The following KIF26A variants were observed in gnomAD, a reference collection of about 807,000 sequenced individuals.
KIF26A encodes the protein kinesin family member 26A.
KIF26A carries 74 observed loss-of-function variants against 126.0 expected under a neutral mutation model. The observed-to-expected ratio is 0.59, with a 90% CI of 0.49 to 0.71. KIF26A has a LOEUF of 0.71. KIF26A is among the 30% of genes least tolerant of loss of function. The pLI is 0.00. For synonymous variants in KIF26A, 1,445 were observed against 1,232.7 expected (o/e 1.17, Z -3.61); for missense variants, 2,984 against 2,763.3 (o/e 1.08, Z -1.79).
intron 3 of KIF26A, among the ~76,000 whole-genome samples, chr14:104,155,636 G>T (rs556615785): frequency 3.3e-5 from 5 of 152,326 alleles, no homozygotes; most frequent in Admixed American, 2.0e-4. Flanking sequence ...GCATGCCCGG[G>T]CTCTGCTTCC....
intron 4 of KIF26A, among the ~76,000 whole-genome samples, chr14:104,164,717 G>A: frequency 6.6e-6 from 1 of 151,312 alleles, no homozygotes; most frequent in Non-Finnish European, 1.5e-5. Context: ...GTGTGTGAGT[G>A]TGTGTGCGTG....
At chr14:104,143,921 G>A (rs112867021) in intron 2 of KIF26A, among the ~76,000 whole-genome samples, 6 of 152,250 alleles carry the variant, frequency 3.9e-5, no homozygotes, top group African/African-American at 1.4e-4. Flanking sequence ...GGCAGGCGGG[G>A]CACTGGCTAA....
chr14:104,159,989 G>A (rs1284760046), intron 4 of KIF26A, among the ~76,000 whole-genome samples: 1 of 152,146 alleles, frequency 6.6e-6, no homozygotes, highest in Non-Finnish European at 1.5e-5. Flanking sequence ...GGGGTCTTGG[G>A]CACGTGCTGA....
In KIF26A at chr14:104,166,908, C is replaced by T; in HGVS notation, c.973C>T (p.Pro325Ser). The T allele has an allele frequency of 2.5e-6, 4 of 1,591,382 alleles. No individual in the cohort carries two copies. The highest frequency in any genetic ancestry group is 2.6e-6 in the Non-Finnish European group (3 of 1,170,260). Reference sequence around the variant, plus strand: ...CTCCAAGAGGAAGAAGCCCCACCCGCCACCGCCTCCAGCCACCCGCGGCAC... The same window carrying T: ...CTCCAAGAGGAAGAAGCCCCACCCGTCACCGCCTCCAGCCACCCGCGGCAC... ...LASKRKKPHPPPPPATRGTST... is the reference protein window; with the variant it reads ...LASKRKKPHPSPPPATRGTST... The change falls in exon 5 of 15, where the codon CCA becomes TCA. Residue 325 changes from proline (P) to serine (S), a missense_variant. Coordinates refer to ENST00000423312, the MANE Select transcript of KIF26A (RefSeq NM_015656.2).
Position 104,176,751 on chromosome 14 carries a change from C to G in KIF26A, c.3963C>G (p.Ser1321=). The G allele has an allele frequency of 2.5e-6, 4 of 1,587,324 alleles. No homozygotes were observed. Among genetic ancestry groups the G allele is most frequent in the Non-Finnish European group, 3.4e-6 (4 of 1,168,334 alleles). ...TGGGTGTGACAACGCCAGCTGTGTC[C>G]TGGGGAGATGCTCCCACGGAGGTGG... The part of the protein sequence containing the change: ...TTLGVTTPAV[S]WGDAPTEVVA... Residue 1321 remains serine, a synonymous_variant, in exon 12 of 15, where the codon TCC becomes TCG. Coordinates refer to ENST00000423312, the MANE Select transcript of KIF26A (RefSeq NM_015656.2).
At chr14:104,139,001 C>A in intron 1 of KIF26A, 42 bp from the exon 2 acceptor site, 1 of 1,324,298 alleles carries the variant, frequency 7.6e-7, no homozygotes, top group Non-Finnish European at 9.6e-7. Flanking sequence ...ATCCGACGGA[C>A]GTCCCAGGCT....
At position 104,165,431 on chromosome 14, in the gene KIF26A, GTC is replaced by G. The variant is rs1425994488; in HGVS notation, c.924-1426_924-1425del. Reference sequence around the variant, plus strand: ...TCTGTGTGTCTCTGTATGCGTGTGTGTCTGTCTCTGTGTGTGTTTCTGTATGC... The same window carrying G: ...TCTGTGTGTCTCTGTATGCGTGTGTGTGTCTCTGTGTGTGTTTCTGTATGC... On this transcript the variant is annotated intron_variant, in intron 4 of 14. Transcript: ENST00000423312. Among the ~76,000 whole-genome samples the G allele has an allele frequency of 8.6e-4, 127 of 147,642 alleles. 2 individuals carry two copies. The highest frequency in any genetic ancestry group is 3.0e-3 in the African/African-American group (120 of 40,196).
At position 104,174,970 on chromosome 14, in the gene KIF26A, T is replaced by C. The variant is rs1210067710; in HGVS notation, c.2194-12T>C. On this transcript the variant is annotated splice_polypyrimidine_tract_variant and intron_variant, in intron 11 of 14. Coordinates refer to ENST00000423312, the MANE Select transcript of KIF26A (RefSeq NM_015656.2). Reference sequence around the variant, plus strand: ...GAGACTGGGCTCGGCAGCTCCACTTTTCTTCCCCCAGTACGCCTCCAGCTC... The same window carrying C: ...GAGACTGGGCTCGGCAGCTCCACTTCTCTTCCCCCAGTACGCCTCCAGCTC... The C allele has an allele frequency of 1.3e-6, 2 of 1,515,144 alleles. No individual in the cohort carries two copies. Among genetic ancestry groups the C allele is most frequent in the Admixed American group, 4.0e-5 (2 of 49,570 alleles). 93.9% of individuals were successfully genotyped at this position (1,515,144 alleles called of 1,614,324 possible).
intron 5 of KIF26A, among the ~76,000 whole-genome samples, chr14:104,168,426 G>C (rs918640287): frequency 6.6e-6 from 1 of 152,212 alleles, no homozygotes; most frequent in Non-Finnish European, 1.5e-5. Flanking sequence ...CTGGGGCAGT[G>C]GTGGGTCCCT....
At chr14:104,164,779 CTG>C (rs777170063) in intron 4 of KIF26A, among the ~76,000 whole-genome samples, 43 of 151,180 alleles carry the variant, frequency 2.8e-4, no homozygotes, top group Admixed American at 2.4e-3. Context: ...GTGTGCATCT[CTG>C]TGTGTGTGTC....
intron 4 of KIF26A, among the ~76,000 whole-genome samples, chr14:104,158,884 C>T (rs757316257): frequency 1.3e-4 from 20 of 152,316 alleles, no homozygotes; most frequent in Non-Finnish European, 2.2e-4. Flanking sequence ...ATGTAATTGC[C>T]ATAATGCCTG....
intron 2 of KIF26A, among the ~76,000 whole-genome samples, chr14:104,144,104 C>T (rs2037660730): frequency 6.6e-6 from 1 of 152,202 alleles, no homozygotes; most frequent in African/African-American, 2.4e-5. Flanking sequence ...GGTGCTGCCT[C>T]CGGGATTCCC....
In KIF26A at chr14:104,176,188, A is replaced by G; in HGVS notation, c.3400A>G (p.Ser1134Gly). ...TGACCCCACGCCGCAGCCCCGCTTC[A>G]GCCCCGACTCGCTGGCAGGGCTTGA... Reference protein sequence around the residue: ...SRDPTPQPRFSPDSLAGLDPG... With the variant: ...SRDPTPQPRFGPDSLAGLDPG... The change falls in exon 12 of 15, where the codon AGC (serine) becomes GGC (glycine). Residue 1134 changes from serine (S) to glycine (G), a missense_variant. By Grantham distance (56) the Ser-to-Gly change is moderately conservative. Coordinates refer to ENST00000423312, the MANE Select transcript of KIF26A (RefSeq NM_015656.2). 12 of 1,598,470 alleles carry G rather than the reference A, an allele frequency of 7.5e-6. No individual in the cohort carries two copies. The highest frequency in any genetic ancestry group is 9.4e-6 in the Non-Finnish European group (11 of 1,173,732).
At chr14:104,145,920 C>T (rs2037676681) in intron 2 of KIF26A, among the ~76,000 whole-genome samples, 2 of 152,236 alleles carry the variant, frequency 1.3e-5, no homozygotes, top group South Asian at 4.1e-4. Context: ...GGCGACCTGG[C>T]TCCAAGCTTT....
rs766256105 is a variant in KIF26A at position 104,177,323 on chromosome 14, G to A, written c.4535G>A (p.Gly1512Glu). Residue 1512 changes from glycine (G) to glutamate (E), a missense_variant, in exon 12 of 15, where the codon GGG becomes GAG. Transcript: ENST00000423312. ...GLVAGGSRAL[G>E]PSVKLSTASV... The stretch of plus-strand genomic sequence containing the variant: ...GTGGCTGGTGGGTCGCGGGCTCTGG[G>A]GCCTTCGGTGAAGCTGTCTACGGCC... 6 of 1,528,918 alleles carry A rather than the reference G, an allele frequency of 3.9e-6. No homozygotes were observed. The highest frequency in any genetic ancestry group is 2.8e-5 in the African/African-American group (2 of 72,618). The allele number at this position is 1,528,918 out of a possible 1,614,324, so 94.7% of individuals were successfully genotyped here. A position where few individuals can be genotyped will look rare whatever the true frequency, so the allele number is the denominator to read the frequency against.
rs1019198321 is a variant in KIF26A, at chr14:104,151,901, C to T, written c.289-114C>T. On this transcript the variant is annotated intron_variant, in intron 2 of 14. Transcript: ENST00000423312. This position sits in a 1 kb window ranked among gnomAD's most constrained non-coding sequence, Gnocchi z 4.9. Reference sequence around the variant, plus strand: ...GCTTATTAATCTGTTACGGATGGTGCGGTGGCCAGGCGGGAGCTCGCAGCG... The same window carrying T: ...GCTTATTAATCTGTTACGGATGGTGTGGTGGCCAGGCGGGAGCTCGCAGCG... 32 of 819,500 alleles carry T rather than the reference C, an allele frequency of 3.9e-5. No homozygotes were observed. The highest frequency in any genetic ancestry group is 1.9e-4 in the South Asian group (13 of 68,998). The allele number at this position is 819,500 out of a possible 1,614,324, so 50.8% of individuals were successfully genotyped here. A position where few individuals can be genotyped will look rare whatever the true frequency, so the allele number is the denominator to read the frequency against.
Position 104,175,037 on chromosome 14 carries a change from G to A in KIF26A, c.2249G>A (p.Arg750Gln), listed in dbSNP as rs756687422. 196 of 1,565,956 alleles carry A rather than the reference G, an allele frequency of 1.3e-4. No homozygotes were observed. The highest frequency in any genetic ancestry group is 1.7e-4 in the Non-Finnish European group (195 of 1,159,088). The change falls in exon 12 of 15, where the codon CGG becomes CAG. Residue 750 changes from arginine (R) to glutamine (Q), a missense_variant. Coordinates refer to ENST00000423312, the MANE Select transcript of KIF26A (RefSeq NM_015656.2). Reference sequence around the variant, plus strand: ...TCCTGTGAGGAAGGCCGGGCCCGTCGGCCCCCGCACCTGCGGCCCTTCCAC... The same window carrying A: ...TCCTGTGAGGAAGGCCGGGCCCGTCAGCCCCCGCACCTGCGGCCCTTCCAC... ...ESSCEEGRAR[R>Q]PPHLRPFHPR... is the part of the protein sequence containing the mutation.
At position 104,152,216 on chromosome 14, in the gene KIF26A, C is replaced by G; in HGVS notation, c.490C>G (p.Pro164Ala). ...APHGGPSLAP[P>A]STTTSSRDTP... Reference sequence around the variant, plus strand: ...CCATGGAGGCCCCAGCCTCGCACCCCCCAGCACCACGACCAGCTCGAGGGA... The same window carrying G: ...CCATGGAGGCCCCAGCCTCGCACCCGCCAGCACCACGACCAGCTCGAGGGA... Residue 164 changes from proline (P) to alanine (A), a missense_variant, in exon 3 of 15, where the codon CCC becomes GCC. Pro to Ala is a conservative substitution (Grantham distance 27). Transcript: ENST00000423312. This position sits in a 1 kb window ranked among gnomAD's most constrained non-coding sequence, Gnocchi z 5.9. The G allele has an allele frequency of 6.2e-7, 1 of 1,601,794 alleles. No homozygotes were observed. Among genetic ancestry groups the G allele is most frequent in the Non-Finnish European group, 8.5e-7 (1 of 1,175,928 alleles).
chr14:104,172,502 A>T, intron 6 of KIF26A, 73 bp from the exon 7 acceptor site: 1 of 1,133,222 alleles, frequency 8.8e-7, no homozygotes, highest in South Asian at 1.4e-5. Context: ...GTGCCAGGAC[A>T]GACCGGCCTC....
Sources: gnomAD v4.1 joint callset for allele counts (sites outside exome capture counted in the v4.1 genomes callset) on GRCh38, gnomAD v4.1.1 for gene constraint, Gnocchi (gnomAD v3.1) non-coding constraint, MANE v1.5 for transcripts, NCBI Gene and HGNC (gene_info 2026-07-23, HGNC 2026-07-21) for gene names.